ASH1L: variants seen among roughly 807,000 people sequenced by gnomAD.
The protein encoded by ASH1L is ASH1 like histone lysine methyltransferase.
In ASH1L, 23 loss-of-function variants were observed where a neutral mutation model predicts 269.0. The ratio of observed to expected loss-of-function variants is 0.09; its 90% CI spans 0.06 to 0.12. The LOEUF is 0.12. Ranked by LOEUF, ASH1L falls within the 10% of genes least tolerant of loss-of-function variation. The probability of loss-of-function intolerance (pLI) is 1.00; values close to 1 mark genes in which losing one functional copy is unlikely to be tolerated. For missense variants in ASH1L, 2,912 were observed against 3,567.8 expected (o/e 0.82, Z 4.68); for synonymous variants, 1,187 against 1,253.5 (o/e 0.95, Z 1.12).
intron 2 of ASH1L, among the ~76,000 whole-genome samples, chr1:155,491,943 G>C (rs947577454): frequency 6.6e-6 from 1 of 151,648 alleles, no homozygotes; most frequent in Non-Finnish European, 1.5e-5. Flanking sequence ...AATGTGCTGG[G>C]ATTACAGGCG....
At chr1:155,432,439 A>AAT (rs1346642504) in intron 5 of ASH1L, among the ~76,000 whole-genome samples, 1 of 152,190 alleles carries the variant, frequency 6.6e-6, no homozygotes, top group Non-Finnish European at 1.5e-5. Flanking sequence ...TATCAATTCT[A>AAT]AGTACATGAA....
At chr1:155,538,346 T>G (rs1335139864) in intron 1 of ASH1L, among the ~76,000 whole-genome samples, 2 of 146,306 alleles carry the variant, frequency 1.4e-5, no homozygotes, top group Non-Finnish European at 3.0e-5. Context: ...CCTGGCGTTT[T>G]TTTGTTTGTT....
At chr1:155,551,734 CT>C (rs1671229799) in intron 1 of ASH1L, among the ~76,000 whole-genome samples, 1 of 149,130 alleles carries the variant, frequency 6.7e-6, no homozygotes, top group East Asian at 2.0e-4. Flanking sequence ...CTTTGGGAGG[CT>C]AAGACAGGTG....
At chr1:155,516,301 C>G (rs913105894) in intron 2 of ASH1L, among the ~76,000 whole-genome samples, 3 of 152,144 alleles carry the variant, frequency 2.0e-5, no homozygotes, top group Non-Finnish European at 2.9e-5. Flanking sequence ...AAATAACCTA[C>G]TCTCATTTCA....
intron 3 of ASH1L, among the ~76,000 whole-genome samples, chr1:155,475,240 G>A (rs186582038): frequency 4.5e-4 from 69 of 152,112 alleles, no homozygotes; most frequent in Admixed American, 4.3e-3. Flanking sequence ...GGGTTCAAGC[G>A]ATTCTCCTGC....
intron 1 of ASH1L, among the ~76,000 whole-genome samples, chr1:155,550,046 A>T (rs185506328): frequency 1.6e-3 from 238 of 151,466 alleles, no homozygotes; most frequent in Admixed American, 4.0e-3. Flanking sequence ...TTTGAGACAG[A>T]GTCTCGCTCT....
intron 1 of ASH1L, among the ~76,000 whole-genome samples, chr1:155,524,170 TAACAA>T (rs1669073926): frequency 1.3e-5 from 2 of 152,152 alleles, no homozygotes; most frequent in Non-Finnish European, 2.9e-5. Context: ...TTACTGTCCC[TAACAA>T]ATCATGTTCA....
At chr1:155,483,106 A>T (rs1202801524) in intron 2 of ASH1L, among the ~76,000 whole-genome samples, 1 of 152,172 alleles carries the variant, frequency 6.6e-6, no homozygotes, top group Non-Finnish European at 1.5e-5. Flanking sequence ...TAATTCATGA[A>T]TCCTCACTAT....
intron 1 of ASH1L, among the ~76,000 whole-genome samples, chr1:155,547,800 G>A (rs1164365398): frequency 1.3e-5 from 2 of 151,786 alleles, no homozygotes; most frequent in East Asian, 1.9e-4. Context: ...GTGAAACCCC[G>A]CCTCTACTAA....
chr1:155,547,982 G>A (rs906221898), intron 1 of ASH1L, among the ~76,000 whole-genome samples: 1 of 151,868 alleles, frequency 6.6e-6, no homozygotes, highest in Non-Finnish European at 1.5e-5. Flanking sequence ...TCTCAAAAAA[G>A]AAAAAACAAA....
At chr1:155,476,561 T>C (rs1001561773) in intron 3 of ASH1L, among the ~76,000 whole-genome samples, 9 of 150,632 alleles carry the variant, frequency 6.0e-5, no homozygotes, top group African/African-American at 2.2e-4. Flanking sequence ...TGTTTTTTGT[T>C]TTTTTTTTAA....
intron 5 of ASH1L, chr1:155,433,982 G>C: frequency 6.3e-7 from 1 of 1,583,534 alleles, no homozygotes; most frequent in South Asian, 1.1e-5. Context: ...CCAGCAGCTT[G>C]GGCTCGAGAA....
intron 4 of ASH1L, among the ~76,000 whole-genome samples, chr1:155,446,893 G>A (rs938832695): frequency 5.9e-5 from 9 of 152,050 alleles, no homozygotes; most frequent in African/African-American, 1.7e-4. Context: ...GTGAGCCACC[G>A]CGCCCGGCGC....
intron 1 of ASH1L, among the ~76,000 whole-genome samples, chr1:155,560,276 T>A (rs1671872234): frequency 6.6e-6 from 1 of 152,218 alleles, no homozygotes; most frequent in African/African-American, 2.4e-5. Flanking sequence ...GTGTCTTTCA[T>A]CAGATTCTCA....
intron 5 of ASH1L, among the ~76,000 whole-genome samples, chr1:155,421,963 T>A (rs960849670): frequency 3.3e-5 from 5 of 152,156 alleles, no homozygotes; most frequent in African/African-American, 9.7e-5. Context: ...CATCTCCACA[T>A]CTTTTTCATC....
chr1:155,478,958 A>T lies in ASH1L; in HGVS notation c.3912T>A (p.Thr1304=). 1 of 1,613,796 alleles carries T rather than the reference A, an allele frequency of 6.2e-7. No individual in the cohort carries two copies. Among genetic ancestry groups the T allele is most frequent in the Non-Finnish European group, 8.5e-7 (1 of 1,180,016 alleles). The part of the protein sequence containing the change: ...LISRLSEIRI[T]HRSHHFIPRD... ...GGGGGATAAAATGATGACTTCGATGAGTGATCCGAATTTCACTTAGGCGAC... is the reference window on the plus strand; with the variant it reads ...GGGGGATAAAATGATGACTTCGATGTGTGATCCGAATTTCACTTAGGCGAC... The change falls in exon 3 of 28, where the codon ACT becomes ACA. Residue 1304 remains threonine (T), a synonymous_variant. Coordinates refer to ENST00000392403, the MANE Select transcript of ASH1L (RefSeq NM_018489.3). This position sits in a 1 kb window ranked among gnomAD's most constrained non-coding sequence, Gnocchi z 4.6.
intron 1 of ASH1L, among the ~76,000 whole-genome samples, chr1:155,545,854 C>T (rs1290537896): frequency 6.6e-6 from 1 of 151,812 alleles, no homozygotes; most frequent in Non-Finnish European, 1.5e-5. Flanking sequence ...AACCCCATCT[C>T]CATTAAAAAC....
intron 17 of ASH1L, among the ~76,000 whole-genome samples, chr1:155,351,422 G>A (rs1461206974): frequency 2.0e-5 from 3 of 151,302 alleles, no homozygotes; most frequent in Admixed American, 1.3e-4. Context: ...GCATAGTGGC[G>A]CACACCTGGA....
chr1:155,452,381 A>T (rs965320293), intron 4 of ASH1L, among the ~76,000 whole-genome samples: 4 of 152,088 alleles, frequency 2.6e-5, no homozygotes, highest in East Asian at 1.9e-4. Context: ...ATTAAAAAAA[A>T]TTTTTGTTTT....
Sources: gnomAD v4.1 joint callset for allele counts (sites outside exome capture counted in the v4.1 genomes callset) on GRCh38, gnomAD v4.1.1 for gene constraint, Gnocchi (gnomAD v3.1) non-coding constraint, MANE v1.5 for transcripts, NCBI Gene and HGNC (gene_info 2026-07-23, HGNC 2026-07-21) for gene names.